Variants in CUBN observed in about 807,000 individuals in gnomAD.
CUBN encodes the protein cubilin, also known as 460 kDa receptor.
Under a neutral mutation model 405.3 loss-of-function variants are expected in CUBN, and 282 were observed. The observed-to-expected ratio is 0.70, with a 90% CI of 0.63 to 0.77. The LOEUF is 0.77. Ranked by LOEUF, CUBN falls within the 30% of genes least tolerant of loss-of-function variation. The pLI, the probability that CUBN is intolerant of heterozygous loss-of-function variation, is 0.00. For synonymous variants in CUBN, 1,684 were observed against 1,617.0 expected (o/e 1.04, Z -0.99); for missense variants, 4,514 against 4,475.2 (o/e 1.01, Z -0.25).
intron 31 of CUBN, among the ~76,000 whole-genome samples, chr10:16,968,297 T>G (rs978131754): frequency 6.6e-6 from 1 of 151,960 alleles, no homozygotes; most frequent in Non-Finnish European, 1.5e-5. Flanking sequence ...CAACAGACAT[T>G]GCAGCTTTGG....
At chr10:16,934,799 GCAATATCGCAGA>G (rs1214031107) in intron 39 of CUBN, among the ~76,000 whole-genome samples, 1 of 152,172 alleles carries the variant, frequency 6.6e-6, no homozygotes, top group Non-Finnish European at 1.5e-5. Context: ...ATGGTCTCAG[GCAATATCGCAGA>G]CAATGGCAGC....
chr10:16,920,755 T>C (rs922046887), intron 43 of CUBN, among the ~76,000 whole-genome samples: 19 of 152,218 alleles, frequency 1.2e-4, no homozygotes, highest in Non-Finnish European at 2.5e-4. Flanking sequence ...TCAATAAATA[T>C]TCTTTGGCAT....
At chr10:17,084,522 T>G in intron 16 of CUBN, 61 bp from the exon 17 acceptor site, 2 of 1,447,062 alleles carry the variant, frequency 1.4e-6, no homozygotes, top group South Asian at 1.2e-5. Context: ...TTGCAGGCAT[T>G]GGATCCAATT....
At chr10:16,991,904 G>A (rs1328691918) in intron 28 of CUBN, among the ~76,000 whole-genome samples, 4 of 152,100 alleles carry the variant, frequency 2.6e-5, no homozygotes, top group Non-Finnish European at 5.9e-5. Context: ...TATACCCAAA[G>A]GAATATAAAT....
intron 28 of CUBN, among the ~76,000 whole-genome samples, chr10:17,015,567 C>CAGTGTCCAG (rs1195268054): frequency 6.6e-6 from 1 of 152,152 alleles, no homozygotes; most frequent in South Asian, 2.1e-4. Flanking sequence ...AAGGCCATGC[C>CAGTGTCCAG]AGTGTCCAGG....
At chr10:16,913,537 T>A (rs1482486340) in intron 48 of CUBN, among the ~76,000 whole-genome samples, 1 of 152,240 alleles carries the variant, frequency 6.6e-6, no homozygotes, top group Admixed American at 6.5e-5. Flanking sequence ...TCCCACAGCC[T>A]CTCCGGTTTT....
chr10:16,910,137 TTTC>T (rs1037642033), intron 48 of CUBN, among the ~76,000 whole-genome samples: 2 of 151,914 alleles, frequency 1.3e-5, no homozygotes, highest in Non-Finnish European at 2.9e-5. Flanking sequence ...TTCTACTTCT[TTTC>T]TTCTTCTCTC....
At chr10:16,921,572 C>T (rs1441390584) in intron 43 of CUBN, among the ~76,000 whole-genome samples, 3 of 152,208 alleles carry the variant, frequency 2.0e-5, no homozygotes, top group African/African-American at 7.2e-5. Flanking sequence ...GCATTTAACA[C>T]AGTTGATCAC....
rs1564519493 is a variant in CUBN at position 17,110,949 on chromosome 10, C to G, written c.985G>C (p.Gly329Arg). The change falls in exon 9 of 67, where the codon GGG becomes CGG. Residue 329 changes from glycine (G) to arginine (R), a missense_variant. This residue lies in a region of CUBN where 1,448 missense variants were observed against 1,388.0 expected (regional missense o/e 1.04). Coordinates refer to ENST00000377833, the MANE Select transcript of CUBN (RefSeq NM_001081.4). ...APPVECVNTP[G>R]SSHCQACPPG... ...GGACAGGCCTGGCAGTGGGAAGACC[C>G]AGGTGTATTCACACACTCAACGGGT... 6.2e-7 allele frequency: 1 copy of G among 1,614,180 alleles called. No individual in the cohort carries two copies. The highest frequency in any genetic ancestry group is 2.2e-5 in the East Asian group (1 of 44,882).
At chr10:17,001,270 T>C (rs1479825303) in intron 28 of CUBN, among the ~76,000 whole-genome samples, 1 of 152,200 alleles carries the variant, frequency 6.6e-6, no homozygotes, top group Non-Finnish European at 1.5e-5. Context: ...AGAACAAAGC[T>C]TCCACAGCGT....
rs1160643965 is a variant in CUBN, at chr10:16,933,137, T to C, written c.6074A>G (p.Asp2025Gly). 1.2e-6 allele frequency: 2 copies of C among 1,613,950 alleles called. No homozygotes were observed. Among genetic ancestry groups the C allele is most frequent in the South Asian group, 2.2e-5 (2 of 91,082 alleles). Reference sequence around the variant, plus strand: ...GGCACACGTTCGGTGAGATTCAATGTCCAGGGAAAGAATGTTGAGTTCCAC... The same window carrying C: ...GGCACACGTTCGGTGAGATTCAATGCCCAGGGAAAGAATGTTGAGTTCCAC... Reference protein sequence around the residue: ...STVELNILSLDIESHRTCAYD... With the variant: ...STVELNILSLGIESHRTCAYD... Residue 2025 changes from aspartate to glycine, a missense_variant, in exon 40 of 67, where the codon GAC becomes GGC. Coordinates refer to ENST00000377833, the MANE Select transcript of CUBN (RefSeq NM_001081.4).
intron 55 of CUBN, among the ~76,000 whole-genome samples, chr10:16,889,493 T>C (rs925884558): frequency 1.3e-5 from 2 of 152,162 alleles, no homozygotes; most frequent in African/African-American, 2.4e-5. Flanking sequence ...AATCTAATAG[T>C]GTACAATAGC....
chr10:16,928,200 G>C lies in CUBN; in HGVS notation c.6228C>G (p.Asp2076Glu), dbSNP rs745744898. The C allele has an allele frequency of 6.2e-6, 10 of 1,613,880 alleles. No individual in the cohort carries two copies. The African/African-American group carries it at 1.3e-4, about 22-fold the overall frequency. Residue 2076 changes from aspartate to glutamate, a missense_variant, in exon 41 of 67, where the codon GAC becomes GAG. This residue lies in a region of CUBN where 1,613 missense variants were observed against 1,542.8 expected (regional missense o/e 1.05). Transcript: ENST00000377833. ...TGAAGCCTGCCCTGGTTACACTGGA[G>C]TCCGAGGTGAAGCGGATGAACATGT... ...GEYMFIRFTS[D>E]SSVTRAGFNA...
chr10:17,081,990 G>T (rs554407456), intron 17 of CUBN, among the ~76,000 whole-genome samples: 1 of 151,842 alleles, frequency 6.6e-6, no homozygotes, highest in South Asian at 2.1e-4. Flanking sequence ...AACAATCCTT[G>T]AGGGAAATTT....
intron 1 of CUBN, 95 bp downstream of exon 1, chr10:17,129,548 CA>C: frequency 6.6e-7 from 1 of 1,526,510 alleles, no homozygotes; most frequent in Non-Finnish European, 9.1e-7. Context: ...TAATTTTCCT[CA>C]AGAAAAATTG....
At chr10:17,002,596 G>A (rs1588570087) in intron 28 of CUBN, among the ~76,000 whole-genome samples, 6 of 152,326 alleles carry the variant, frequency 3.9e-5, no homozygotes, top group Middle Eastern at 3.4e-3. Flanking sequence ...GCCAACATGA[G>A]ATGAAGGTCA....
chr10:17,066,257 T>C (rs1166326232), intron 21 of CUBN, among the ~76,000 whole-genome samples: 1 of 152,038 alleles, frequency 6.6e-6, no homozygotes, highest in Admixed American at 6.6e-5. Flanking sequence ...AAAAGCAGTT[T>C]AGCTCAGAAA....
At chr10:16,922,131 C>T (rs1246634484) in intron 43 of CUBN, among the ~76,000 whole-genome samples, 1 of 138,552 alleles carries the variant, frequency 7.2e-6, no homozygotes, top group Non-Finnish European at 1.6e-5. Flanking sequence ...TCCATGAGGA[C>T]ATGGATTTTG....
At chr10:16,927,441 A>C (rs1360460270) in intron 41 of CUBN, among the ~76,000 whole-genome samples, 1 of 152,208 alleles carries the variant, frequency 6.6e-6, no homozygotes, top group African/African-American at 2.4e-5. Context: ...ACTTATCTTC[A>C]GTTGCTCCCT....
Sources: allele counts gnomAD v4.1 joint callset (sites outside exome capture counted in the v4.1 genomes callset), GRCh38; gene constraint gnomAD v4.1.1; regional missense constraint gnomAD v4.1.1; transcripts MANE v1.5; gene names NCBI Gene and HGNC (gene_info 2026-07-23, HGNC 2026-07-21).